The following LCP2 variants were observed in gnomAD, a reference collection of about 807,000 sequenced individuals.
LCP2 encodes lymphocyte cytosolic protein 2.
In LCP2, 29 loss-of-function variants were observed where a neutral mutation model predicts 74.5. That is an observed-to-expected ratio of 0.39 (90% CI 0.29 to 0.53). The LOEUF (loss-of-function observed/expected upper bound fraction) is 0.53, where lower values mean the gene tolerates loss of function less well. Among genes scored for constraint, LCP2 ranks in the 20% least tolerant of loss-of-function variants. The pLI is 0.72. For missense variants in LCP2, 604 were observed against 634.6 expected (o/e 0.95, Z 0.52); for synonymous variants, 228 against 229.5 (o/e 0.99, Z 0.06).
rs1761685499 is a variant in LCP2, at chr5:170,262,891, G to A, written c.799-30C>T. ...AAGACAGGAGGAAAAATGTATGAGTGTCCAAGCACTTTTCAAAGAATAAGG... is the reference window on the plus strand; with the variant it reads ...AAGACAGGAGGAAAAATGTATGAGTATCCAAGCACTTTTCAAAGAATAAGG... On this transcript the variant is annotated intron_variant, in intron 11 of 20. Transcript: ENST00000046794. 1.9e-6 allele frequency: 3 copies of A among 1,614,036 alleles called. No individual in the cohort carries two copies. In the South Asian group the frequency reaches 3.3e-5, roughly 18 times the overall value.
intron 5 of LCP2, among the ~76,000 whole-genome samples, chr5:170,274,938 C>T: frequency 6.7e-6 from 1 of 149,924 alleles, no homozygotes; most frequent in Non-Finnish European, 1.5e-5. Flanking sequence ...GATCGTGCCA[C>T]TGCACTCCAG....
intron 4 of LCP2, chr5:170,275,593 C>T: frequency 1.6e-6 from 1 of 639,752 alleles, no homozygotes; most frequent in East Asian, 2.7e-5. Context: ...AGAGGAAGTT[C>T]CCCTGATGTC....
chr5:170,274,364 C>T (rs1761949311), intron 5 of LCP2, 26 bp from the exon 6 acceptor site: 5 of 1,610,738 alleles, frequency 3.1e-6, no homozygotes, highest in Non-Finnish European at 4.2e-6. Context: ...ACACCACCAT[C>T]AGCACTGAAG....
intron 3 of LCP2, among the ~76,000 whole-genome samples, chr5:170,276,946 C>T (rs549498466): frequency 1.3e-5 from 2 of 151,796 alleles, no homozygotes; most frequent in Non-Finnish European, 2.9e-5. Context: ...CATGGTGGCA[C>T]GTGCCTGTGG....
intron 2 of LCP2, among the ~76,000 whole-genome samples, chr5:170,291,226 A>AAGAAAGG (rs1561979324): frequency 0.011 from 563 of 52,916 alleles, 6 homozygotes; most frequent in African/African-American, 0.036. Flanking sequence ...AGGAAGGAAG[A>AAGAAAGG]AAGGAAGGAA....
At chr5:170,277,245 A>C (rs186974986) in intron 3 of LCP2, among the ~76,000 whole-genome samples, 1 of 152,100 alleles carries the variant, frequency 6.6e-6, no homozygotes, top group Admixed American at 6.5e-5. Context: ...TTTCTGCTGC[A>C]AGCTCTCTGG....
Position 170,248,837 on chromosome 5 carries a change from G to A in LCP2, c.1480-18C>T, listed in dbSNP as rs1034122430. On this transcript the variant is annotated intron_variant, in intron 20 of 20. Coordinates refer to ENST00000046794, the MANE Select transcript of LCP2 (RefSeq NM_005565.5). ...AGAAAGTCCTGAAAGAGTCAAGATA[G>A]GGAGATGAGTCAACATTGGAATGAA... The A allele has an allele frequency of 3.1e-6, 5 of 1,610,520 alleles. No individual in the cohort carries two copies. In the South Asian group the frequency reaches 4.4e-5, roughly 14 times the overall value.
chr5:170,269,619 C>T (rs1056159847), intron 7 of LCP2, among the ~76,000 whole-genome samples: 1 of 152,238 alleles, frequency 6.6e-6, no homozygotes, highest in Admixed American at 6.5e-5. Context: ...TTTAATATCA[C>T]AGCTTAAAGA....
chr5:170,289,617 T>TTCTTTTTCTTTCTTTC (rs1350461834), intron 2 of LCP2, among the ~76,000 whole-genome samples: 2 of 122,136 alleles, frequency 1.6e-5, no homozygotes, highest in East Asian at 2.4e-4. Flanking sequence ...CTTTCTTTCT[T>TTCTTTTTCTTTCTTTC]TTTCTTTCTT....
At chr5:170,249,183 G>A (rs1032974731) in intron 20 of LCP2, among the ~76,000 whole-genome samples, 1 of 151,894 alleles carries the variant, frequency 6.6e-6, no homozygotes, top group Admixed American at 6.6e-5. Context: ...ATATTAGCTG[G>A]GCGTGCTGGT....
In LCP2 at chr5:170,283,710, T is replaced by A. The variant is rs527938284; in HGVS notation, c.188+4260A>T. Among the ~76,000 whole-genome samples the A allele has an allele frequency of 9.1e-4, 139 of 152,316 alleles. 1 individual carries two copies. Among genetic ancestry groups the A allele is most frequent in the Non-Finnish European group, 1.6e-3 (108 of 68,028 alleles). On this transcript the variant is annotated intron_variant, in intron 3 of 20. Coordinates refer to ENST00000046794, the MANE Select transcript of LCP2 (RefSeq NM_005565.5). ...ACACACCCCACAACAACCACTCACTTCAGCCTCTTTGCTTTCCACTCCCCC... is the reference window on the plus strand; with the variant it reads ...ACACACCCCACAACAACCACTCACTACAGCCTCTTTGCTTTCCACTCCCCC...
intron 6 of LCP2, among the ~76,000 whole-genome samples, chr5:170,272,901 C>T (rs535322352): frequency 2.6e-5 from 4 of 151,834 alleles, no homozygotes; most frequent in East Asian, 1.9e-4. Flanking sequence ...TGTAAGCCAC[C>T]GCACCCGGTT....
At chr5:170,254,612 A>C (rs1357059994) in intron 17 of LCP2, among the ~76,000 whole-genome samples, 1 of 152,146 alleles carries the variant, frequency 6.6e-6, no homozygotes, top group Non-Finnish European at 1.5e-5. Flanking sequence ...TTGCAGTCCA[A>C]CACTTGCACT....
At chr5:170,249,380 A>ATCTC (rs150473808) in intron 20 of LCP2, among the ~76,000 whole-genome samples, 71 of 148,024 alleles carry the variant, frequency 4.8e-4, no homozygotes, top group Admixed American at 7.4e-4. Flanking sequence ...ATATATATAT[A>ATCTC]TCTACATATC....
In LCP2 at chr5:170,247,396, T is replaced by C. The variant is rs765220160; in HGVS notation, c.*1301A>G. 2 of 152,226 alleles carry C rather than the reference T, an allele frequency of 1.3e-5. No homozygotes were observed. Among genetic ancestry groups the C allele is most frequent in the Non-Finnish European group, 1.5e-5 (1 of 68,024 alleles). The allele number at this position is 152,226 out of a possible 1,614,324, so 9.4% of individuals were successfully genotyped here. ...AGTTTTAAAATGGTGACTTCTTAGA[T>C]TCCTTCCAATACCCCTTTTATTAGC... is the stretch of plus-strand genomic sequence containing the variant. On this transcript the variant is annotated 3_prime_UTR_variant, in exon 21 of 21. Transcript: ENST00000046794.
At chr5:170,275,256 G>A (rs1761987311) in intron 5 of LCP2, 64 bp downstream of exon 5, 4 of 1,571,452 alleles carry the variant, frequency 2.5e-6, no homozygotes, top group Non-Finnish European at 3.5e-6. Flanking sequence ...GAACCAGAAA[G>A]GCAAGAAAAC....
chr5:170,289,755 TCTC>T (rs1269501607), intron 2 of LCP2, among the ~76,000 whole-genome samples: 4 of 69,128 alleles, frequency 5.8e-5, no homozygotes, highest in African/African-American at 2.7e-4. Flanking sequence ...TTCTTTTCTT[TCTC>T]TTTTTTTTTT....
At chr5:170,261,774 A>G (rs1761659381) in intron 13 of LCP2, among the ~76,000 whole-genome samples, 1 of 152,232 alleles carries the variant, frequency 6.6e-6, no homozygotes, top group Non-Finnish European at 1.5e-5. Context: ...CCTGGGCCGT[A>G]TAATGTCCTC....
Position 170,264,978 on chromosome 5 carries a change from CTTTT to C in LCP2, c.772+1826_772+1829del, listed in dbSNP as rs58508083. ...CCTGAATAAGTATTTCAAAATTTGC[CTTTT>C]TTTTTTTTTTTTTTTTTTTTTTTGA... On this transcript the variant is annotated intron_variant, in intron 10 of 20. Transcript: ENST00000046794. Among the ~76,000 whole-genome samples, 85 of 108,978 alleles carry C rather than the reference CTTTT, an allele frequency of 7.8e-4. 1 individual carries two copies. The highest frequency in any genetic ancestry group is 2.6e-3 in the African/African-American group (64 of 24,364). The allele number at this position is 108,978 out of a possible 152,430, so 71.5% of individuals were successfully genotyped here.
Sources: gnomAD v4.1 joint callset for allele counts (sites outside exome capture counted in the v4.1 genomes callset) on GRCh38, gnomAD v4.1.1 for gene constraint, MANE v1.5 for transcripts, NCBI Gene and HGNC (gene_info 2026-07-23, HGNC 2026-07-21) for gene names.